Variants in NRXN3 observed in about 807,000 individuals in gnomAD.
NRXN3 encodes the protein neurexin III.
A neutral mutation model predicts 137.6 loss-of-function variants in NRXN3; 32 were observed. The ratio of observed to expected loss-of-function variants is 0.23; its 90% confidence interval spans 0.18 to 0.31. NRXN3 has a LOEUF of 0.31. Ranked by LOEUF, NRXN3 falls within the 10% of genes least tolerant of loss-of-function variation. The pLI is 1.00. For synonymous variants in NRXN3, 798 were observed against 784.5 expected (o/e 1.02, Z -0.29); for missense variants, 1,574 against 2,062.5 (o/e 0.76, Z 4.59).
intron 15 of NRXN3, among the ~76,000 whole-genome samples, chr14:79,364,599 A>C (rs1181198522): frequency 6.6e-6 from 1 of 152,208 alleles, no homozygotes; most frequent in African/African-American, 2.4e-5. Flanking sequence ...AAAAATTAAT[A>C]ATTAGGCAGT....
chr14:78,899,271 A>G (rs926883024), intron 10 of NRXN3, among the ~76,000 whole-genome samples: 1 of 151,996 alleles, frequency 6.6e-6, no homozygotes, highest in South Asian at 2.1e-4. Context: ...CCCTCCCCCA[A>G]AAATTCAAGA....
chr14:78,388,284 T>C (rs565379033), intron 4 of NRXN3, among the ~76,000 whole-genome samples: 28 of 152,292 alleles, frequency 1.8e-4, no homozygotes, highest in Middle Eastern at 3.4e-3. Flanking sequence ...TTTAGGCTTA[T>C]TGAGTGTATG....
chr14:79,429,668 G>A (rs1357043854), intron 15 of NRXN3, among the ~76,000 whole-genome samples: 5 of 152,180 alleles, frequency 3.3e-5, no homozygotes, highest in African/African-American at 1.2e-4. Context: ...GCCACTCCAA[G>A]CCCTTTGCAG....
chr14:78,325,378 G>A (rs1332561455), intron 4 of NRXN3, among the ~76,000 whole-genome samples: 1 of 152,032 alleles, frequency 6.6e-6, no homozygotes, highest in East Asian at 1.9e-4. Context: ...GTCACAGATT[G>A]CTTGAATGAA....
intron 4 of NRXN3, among the ~76,000 whole-genome samples, chr14:78,482,516 C>T (rs551385919): frequency 1.7e-4 from 26 of 152,190 alleles, no homozygotes; most frequent in Non-Finnish European, 3.2e-4. Context: ...CAGGACGTAG[C>T]GGTGCTGAGC....
chr14:78,448,882 C>T lies in NRXN3; in HGVS notation c.757+151022C>T, dbSNP rs76015454. ...CTGAAGAGTGCCTTCCATTGGGCTT[C>T]CACATTTGGGAAGGTTCCCGCTGAG... is the stretch of plus-strand genomic sequence containing the variant. On this transcript the variant is annotated intron_variant, in intron 4 of 20. Coordinates refer to ENST00000335750, the MANE Select transcript of NRXN3 (RefSeq NM_001330195.2). Among the ~76,000 whole-genome samples the T allele has an allele frequency of 4.3e-4, 66 of 152,220 alleles. 2 individuals are homozygous for T. The East Asian group carries it at 0.012, about 28-fold the overall frequency.
intron 19 of NRXN3, among the ~76,000 whole-genome samples, chr14:79,728,140 G>A (rs2098903144): frequency 6.6e-6 from 1 of 152,182 alleles, no homozygotes; most frequent in Non-Finnish European, 1.5e-5. Context: ...CCTGCGGTAT[G>A]TTAACTGAGT....
At chr14:78,629,847 A>G (rs529780559) in intron 4 of NRXN3, among the ~76,000 whole-genome samples, 44 of 152,252 alleles carry the variant, frequency 2.9e-4, no homozygotes, top group Non-Finnish European at 5.9e-4. Flanking sequence ...AAAAAGTATT[A>G]TACCATAACA....
At chr14:78,996,095 A>AT (rs931287483) in intron 15 of NRXN3, among the ~76,000 whole-genome samples, 1 of 151,948 alleles carries the variant, frequency 6.6e-6, no homozygotes, top group Non-Finnish European at 1.5e-5. Context: ...AAGACACATG[A>AT]TTTTTTTCCC....
At chr14:78,782,739 G>A (rs1440762838) in intron 8 of NRXN3, among the ~76,000 whole-genome samples, 1 of 152,178 alleles carries the variant, frequency 6.6e-6, no homozygotes. Flanking sequence ...TTTCACCAAT[G>A]AGAAACCTGA....
At chr14:78,428,323 A>C (rs2093739609) in intron 4 of NRXN3, among the ~76,000 whole-genome samples, 1 of 152,126 alleles carries the variant, frequency 6.6e-6, no homozygotes, top group Non-Finnish European at 1.5e-5. Context: ...CCCCTAATTC[A>C]ACCCTAAGCC....
intron 4 of NRXN3, among the ~76,000 whole-genome samples, chr14:78,412,184 G>A (rs186853760): frequency 3.6e-4 from 55 of 152,284 alleles, no homozygotes; most frequent in African/African-American, 1.2e-3. Context: ...ACTTGCCATT[G>A]GAAGGGGCTA....
rs1397788742 is a variant in NRXN3, at chr14:79,357,728, A to G, written c.3263-109493A>G. On this transcript the variant is annotated intron_variant, in intron 15 of 20. Transcript: ENST00000335750. The stretch of plus-strand genomic sequence containing the variant: ...ATAAAATAAACTGATATATATATAC[A>G]TACCTTTAGAAGGATTCAGAAAAGA... 2.6e-5 allele frequency among the ~76,000 whole-genome samples: 4 copies of G among 152,188 alleles called. No homozygotes were observed. In the East Asian group the frequency reaches 5.8e-4, roughly 22 times the overall value.
intron 8 of NRXN3, among the ~76,000 whole-genome samples, chr14:78,753,539 A>G (rs2098653181): frequency 6.6e-6 from 1 of 152,142 alleles, no homozygotes; most frequent in African/African-American, 2.4e-5. Flanking sequence ...CCTATTGCCC[A>G]GTAGCATTTT....
rs1229106899 is a variant in NRXN3 at position 78,484,027 on chromosome 14, C to CACACACACAG, written c.758-161092_758-161091insCACACACAGA. ...ACACACACACACACACACACACACA[C>CACACACACAG]AGAGAGAGAGAGAGAGAGAGAGCAA... On this transcript the variant is annotated intron_variant, in intron 4 of 20. Transcript: ENST00000335750. Among the ~76,000 whole-genome samples the CACACACACAG allele has an allele frequency of 6.1e-4, 84 of 137,166 alleles. 2 individuals carry two copies. The highest frequency in any genetic ancestry group is 2.3e-3 in the African/African-American group (81 of 34,538). 90.0% of individuals were successfully genotyped at this position (137,166 alleles called of 152,430 possible). A position where few individuals can be genotyped will look rare whatever the true frequency, so the allele number is the denominator to read the frequency against.
intron 14 of NRXN3, among the ~76,000 whole-genome samples, chr14:78,987,154 C>T (rs763184582): frequency 1.8e-4 from 28 of 152,088 alleles, no homozygotes; most frequent in Non-Finnish European, 3.2e-4. Context: ...TGTGTGCCTC[C>T]CTGCAAAAGT....
At chr14:78,833,247 T>C (rs1030644027) in intron 10 of NRXN3, among the ~76,000 whole-genome samples, 3 of 152,222 alleles carry the variant, frequency 2.0e-5, no homozygotes, top group African/African-American at 4.8e-5. Flanking sequence ...TTTTCACTAT[T>C]GCTTAAGATC....
At chr14:79,066,476 T>G (rs1008732220) in intron 15 of NRXN3, among the ~76,000 whole-genome samples, 2 of 152,166 alleles carry the variant, frequency 1.3e-5, no homozygotes, top group African/African-American at 4.8e-5. Context: ...ATTCAGGCTC[T>G]TTTTTGGTTC....
intron 19 of NRXN3, among the ~76,000 whole-genome samples, chr14:79,784,078 T>C (rs2099121946): frequency 6.6e-6 from 1 of 152,232 alleles, no homozygotes; most frequent in African/African-American, 2.4e-5. Context: ...AATGGAGCCT[T>C]GTTTAGCTGA....
Sources: gnomAD v4.1 joint callset for allele counts (sites outside exome capture counted in the v4.1 genomes callset) on GRCh38, gnomAD v4.1.1 for gene constraint, MANE v1.5 for transcripts, NCBI Gene and HGNC (gene_info 2026-07-23, HGNC 2026-07-21) for gene names.